GABRG3: variants seen among roughly 807,000 people sequenced by gnomAD.
The protein encoded by GABRG3 is gamma-aminobutyric acid type A receptor subunit gamma3, also known as gamma-aminobutyric acid receptor subunit gamma-3.
Under a neutral mutation model 48.8 loss-of-function variants are expected in GABRG3, and 25 were observed. The observed-to-expected ratio is 0.51, with a 90% CI of 0.37 to 0.72. GABRG3 has a LOEUF of 0.72. Ranked by LOEUF, GABRG3 falls within the 30% of genes least tolerant of loss-of-function variation. The pLI is 0.00. For missense variants in GABRG3, 394 were observed against 577.9 expected, an observed-to-expected ratio of 0.68 and a Z score of 3.26; for synonymous variants, 227 against 217.6, an observed-to-expected ratio of 1.04 and a Z score of -0.38.
At chr15:27,284,847 T>A (rs1891555900) in intron 3 of GABRG3, among the ~76,000 whole-genome samples, 1 of 152,234 alleles carries the variant, frequency 6.6e-6, no homozygotes, top group Non-Finnish European at 1.5e-5. Flanking sequence ...GGAGAGAGGC[T>A]GCTCAAGAGA....
chr15:27,011,802 C>T (rs1895692298), intron 2 of GABRG3, among the ~76,000 whole-genome samples: 1 of 149,392 alleles, frequency 6.7e-6, no homozygotes, highest in African/African-American at 2.5e-5. Context: ...GAGCAGAGAT[C>T]ATGCCACTGT....
chr15:26,997,290 G>C (rs1489211896), intron 2 of GABRG3, among the ~76,000 whole-genome samples: 3 of 151,854 alleles, frequency 2.0e-5, no homozygotes, highest in Admixed American at 6.6e-5. Context: ...AATTTGTAAT[G>C]GCTCTTTTGA....
intron 3 of GABRG3, among the ~76,000 whole-genome samples, chr15:27,046,171 G>T (rs544852124): frequency 6.6e-6 from 1 of 151,970 alleles, no homozygotes; most frequent in African/African-American, 2.4e-5. Context: ...TCAGCTCACC[G>T]CAACGTCCGT....
chr15:26,979,255 A>G (rs1595452476), intron 2 of GABRG3, among the ~76,000 whole-genome samples: 1 of 152,054 alleles, frequency 6.6e-6, no homozygotes, highest in Admixed American at 6.5e-5. Context: ...GTTCCTTGGC[A>G]TTTTCTATGT....
chr15:27,342,168 A>G (rs1894205747), intron 5 of GABRG3, among the ~76,000 whole-genome samples: 1 of 152,212 alleles, frequency 6.6e-6, no homozygotes, highest in Non-Finnish European at 1.5e-5. Flanking sequence ...AGCAGTGGCC[A>G]AAGAACAGTG....
chr15:27,252,942 C>T (rs1038104831), intron 3 of GABRG3, among the ~76,000 whole-genome samples: 2 of 152,238 alleles, frequency 1.3e-5, no homozygotes, highest in African/African-American at 4.8e-5. Flanking sequence ...TGACAGCTTA[C>T]TTGAGGTCCA....
At chr15:27,335,327 A>G (rs188284094) in intron 5 of GABRG3, among the ~76,000 whole-genome samples, 50 of 152,320 alleles carry the variant, frequency 3.3e-4, no homozygotes, top group African/African-American at 1.2e-3. Context: ...TGTTTTTCAC[A>G]GCAGCTGCAC....
chr15:27,143,143 A>G (rs1898135645), intron 3 of GABRG3, among the ~76,000 whole-genome samples: 1 of 152,170 alleles, frequency 6.6e-6, no homozygotes, highest in Admixed American at 6.5e-5. Context: ...CAGTAGCATA[A>G]TCATAGCTCA....
chr15:27,035,097 A>G (rs1284173351), intron 3 of GABRG3, among the ~76,000 whole-genome samples: 3 of 152,144 alleles, frequency 2.0e-5, no homozygotes, highest in African/African-American at 7.2e-5. Context: ...AAGGACCACC[A>G]CGCACATGTC....
intron 5 of GABRG3, among the ~76,000 whole-genome samples, chr15:27,433,407 C>T (rs1007213559): frequency 6.6e-6 from 1 of 152,200 alleles, no homozygotes; most frequent in South Asian, 2.1e-4. Context: ...CCTTTCCTTG[C>T]CAGCTTTTAG....
At chr15:27,061,104 TA>T (rs1896635979) in intron 3 of GABRG3, among the ~76,000 whole-genome samples, 1 of 152,246 alleles carries the variant, frequency 6.6e-6, no homozygotes, top group South Asian at 2.1e-4. Context: ...TGCCATTGCT[TA>T]CCTGTGTTTA....
At chr15:27,321,381 G>A (rs1893420391) in intron 3 of GABRG3, among the ~76,000 whole-genome samples, 1 of 152,208 alleles carries the variant, frequency 6.6e-6, no homozygotes, top group African/African-American at 2.4e-5. Flanking sequence ...GTGAAGCAGG[G>A]ACAGGCGCCC....
intron 5 of GABRG3, among the ~76,000 whole-genome samples, chr15:27,341,917 G>T (rs1464841609): frequency 1.3e-5 from 2 of 152,346 alleles, no homozygotes; most frequent in East Asian, 1.9e-4. Context: ...TAGAGCCAGA[G>T]AAATTATTAG....
At chr15:27,106,548 C>G (rs939589366) in intron 3 of GABRG3, among the ~76,000 whole-genome samples, 1 of 151,660 alleles carries the variant, frequency 6.6e-6, no homozygotes, top group Non-Finnish European at 1.5e-5. Flanking sequence ...CAAGAAGAAT[C>G]CAAAGCAGGC....
chr15:27,238,399 C>T (rs951540410), intron 3 of GABRG3, among the ~76,000 whole-genome samples: 5 of 152,334 alleles, frequency 3.3e-5, no homozygotes, highest in East Asian at 1.9e-4. Flanking sequence ...GGGAGCCGCG[C>T]GGGGGCGCAG....
At chr15:27,388,029 A>AG (rs1241995798) in intron 5 of GABRG3, among the ~76,000 whole-genome samples, 3 of 94,590 alleles carry the variant, frequency 3.2e-5, no homozygotes, top group Non-Finnish European at 4.2e-5. Flanking sequence ...GGAGGGAGGG[A>AG]GGAAAGGAAG....
chr15:27,388,082 G>C (rs1364216074), intron 5 of GABRG3, among the ~76,000 whole-genome samples: 1 of 80,758 alleles, frequency 1.2e-5, no homozygotes, highest in East Asian at 5.4e-4. Flanking sequence ...AGGAAGGAAG[G>C]AAAGGAGGGA....
At chr15:27,311,920 A>G (rs540018193) in intron 3 of GABRG3, among the ~76,000 whole-genome samples, 24 of 152,300 alleles carry the variant, frequency 1.6e-4, no homozygotes, top group Non-Finnish European at 1.3e-4. Context: ...CAGACAACAC[A>G]GAGAGTCAAG....
chr15:27,480,079 A>G (rs1276111456), intron 5 of GABRG3, among the ~76,000 whole-genome samples: 2 of 152,200 alleles, frequency 1.3e-5, no homozygotes, highest in Non-Finnish European at 2.9e-5. Flanking sequence ...CAGCAGAAAC[A>G]CCAGGCTTAC....
Sources: gnomAD v4.1 joint callset for allele counts (sites outside exome capture counted in the v4.1 genomes callset) on GRCh38, gnomAD v4.1.1 for gene constraint, MANE v1.5 for transcripts, NCBI Gene and HGNC (gene_info 2026-07-23, HGNC 2026-07-21) for gene names.